The following DDHD2 variants were observed in gnomAD, a reference collection of about 807,000 sequenced individuals.
The protein encoded by DDHD2 is triacylglycerol hydrolase DDHD2.
In DDHD2, 62 loss-of-function variants were observed where a neutral mutation model predicts 91.2. The observed-to-expected ratio is 0.68, with a 90% CI of 0.55 to 0.84. The LOEUF is 0.84. Among genes scored for constraint, DDHD2 ranks in the 40% least tolerant of loss-of-function variants. The pLI is 0.00. For missense variants in DDHD2, 740 were observed against 846.9 expected (o/e 0.87, Z 1.57); for synonymous variants, 271 against 293.9 (o/e 0.92, Z 0.80).
At chr8:38,235,620 C>T (rs1205495404) in intron 3 of DDHD2, among the ~76,000 whole-genome samples, 1 of 150,890 alleles carries the variant, frequency 6.6e-6, no homozygotes, top group South Asian at 2.1e-4. Context: ...ACTTGGGAGG[C>T]TGAGGCAAGA....
Position 38,238,383 on chromosome 8 carries a change from G to A in DDHD2, c.622+174G>A, listed in dbSNP as rs901999978. On this transcript the variant is annotated intron_variant, in intron 5 of 17. Transcript: ENST00000397166. ...TCGTCTACTAAGAATCTTAATAGAT[G>A]TAAAAATATCTTTTAAAACATATGG... 9.4e-6 allele frequency: 13 copies of A among 1,388,102 alleles called. No homozygotes were observed. In the East Asian group the frequency reaches 1.1e-4, roughly 12 times the overall value. 86.0% of individuals were successfully genotyped at this position (1,388,102 alleles called of 1,614,324 possible). A position where few individuals can be genotyped will look rare whatever the true frequency, so the allele number is the denominator to read the frequency against.
Position 38,253,079 on chromosome 8 carries a change from C to A in DDHD2, c.1843C>A (p.Pro615Thr). The A allele has an allele frequency of 6.2e-7, 1 of 1,614,112 alleles. No homozygotes were observed. ...PYPALQASET[P>T]EETEAEPEST... is the part of the protein sequence containing the mutation. ...CCCTGCCTTACAAGCTTCAGAAACA[C>A]CAGAAGAAACTGAAGCAGAACCTGA... The change falls in exon 15 of 18, where the codon CCA becomes ACA. Residue 615 changes from proline (P) to threonine (T), a missense_variant. Pro to Thr is a conservative substitution (Grantham distance 38). This residue lies in a region of DDHD2 where 693 missense variants were observed against 764.2 expected (regional missense o/e 0.91). Transcript: ENST00000397166.
At chr8:38,248,146 T>A (rs1199940996) in intron 10 of DDHD2, among the ~76,000 whole-genome samples, 1 of 152,158 alleles carries the variant, frequency 6.6e-6, no homozygotes, top group Non-Finnish European at 1.5e-5. Flanking sequence ...TCTGTTGTAC[T>A]TTCAAGAGCT....
intron 1 of DDHD2, chr8:38,268,247 G>A: frequency 2.8e-6 from 3 of 1,087,966 alleles, no homozygotes; most frequent in Non-Finnish European, 2.6e-6. Flanking sequence ...TCTCCCGCGG[G>A]GATAGAGTTC....
At chr8:38,234,175 T>C (rs567950846) in intron 2 of DDHD2, among the ~76,000 whole-genome samples, 1 of 152,226 alleles carries the variant, frequency 6.6e-6, no homozygotes, top group African/African-American at 2.4e-5. Flanking sequence ...CTGGGTAGTA[T>C]TTTTTTCATA....
intron 8 of DDHD2, 85 bp downstream of exon 8, chr8:38,246,035 AT>A: frequency 7.1e-7 from 1 of 1,404,756 alleles, no homozygotes; most frequent in Non-Finnish European, 1.0e-6. Context: ...TTTTATCAGT[AT>A]GAAATTCAGA....
chr8:38,257,801 A>G (rs1285850140), intron 16 of DDHD2, among the ~76,000 whole-genome samples: 2 of 151,066 alleles, frequency 1.3e-5, no homozygotes, highest in Non-Finnish European at 2.9e-5. Flanking sequence ...AGTAGCCAGC[A>G]TTACAGGTGT....
At chr8:38,273,317 A>T (rs998312135), downstream of DDHD2, 2 of 152,116 alleles carry the variant, frequency 1.3e-5, no homozygotes, top group African/African-American at 4.8e-5. Context: ...TTCTACTCTG[A>T]TTTCTGAAAT....
chr8:38,258,559 A>C (rs1178333794), intron 16 of DDHD2, among the ~76,000 whole-genome samples: 1 of 152,168 alleles, frequency 6.6e-6, no homozygotes, highest in Non-Finnish European at 1.5e-5. Context: ...CCACTTAATT[A>C]AATTCCTATA....
At position 38,233,037 on chromosome 8, in the gene DDHD2, G is replaced by C; in HGVS notation, c.43G>C (p.Asp15His). The stretch of plus-strand genomic sequence containing the variant: ...ACAACAGGAGCAGTTGTCCCAGTCA[G>C]ATCCATCTCCGTCACCAAACTCATG... ...QSQQEQLSQS[D>H]PSPSPNSCSS... Residue 15 changes from aspartate (D) to histidine (H), a missense_variant, in exon 2 of 18, where the codon GAT becomes CAT. By Grantham distance (81) the Asp-to-His change is moderately conservative. Around this residue, in one of 2 missense-constraint regions of DDHD2, gnomAD observed 693 missense variants for 764.2 expected, o/e 0.91. Coordinates refer to ENST00000397166, the MANE Select transcript of DDHD2 (RefSeq NM_015214.3). 1 of 1,614,186 alleles carries C rather than the reference G, an allele frequency of 6.2e-7. No individual in the cohort carries two copies. Among genetic ancestry groups the C allele is most frequent in the Non-Finnish European group, 8.5e-7 (1 of 1,180,040 alleles).
At chr8:38,236,469 C>G (rs570778456) in intron 3 of DDHD2, among the ~76,000 whole-genome samples, 1 of 151,960 alleles carries the variant, frequency 6.6e-6, no homozygotes, top group Non-Finnish European at 1.5e-5. Flanking sequence ...CTTTTCCTGC[C>G]TCACCCTCCT....
rs778402203 is a variant in DDHD2 at position 38,261,240 on chromosome 8, GCT to G, written c.*668_*669del. On this transcript the variant is annotated 3_prime_UTR_variant, in exon 18 of 18. Transcript: ENST00000397166. ...GTTCATTGTTTTTGCAACTGTTTGA[GCT>G]GCTGTAAGAGTCTAAAGTTGACAAG... 1 of 152,196 alleles carries G rather than the reference GCT, an allele frequency of 6.6e-6. No individual in the cohort carries two copies. Among genetic ancestry groups the G allele is most frequent in the Non-Finnish European group, 1.5e-5 (1 of 68,042 alleles). The allele number at this position is 152,196 out of a possible 1,614,324, so 9.4% of individuals were successfully genotyped here.
At chr8:38,248,983 C>G (rs1805887339) in intron 10 of DDHD2, among the ~76,000 whole-genome samples, 1 of 150,028 alleles carries the variant, frequency 6.7e-6, no homozygotes, top group Non-Finnish European at 1.5e-5. Context: ...CACTTGAGAT[C>G]TTGATTGTTA....
In DDHD2 at chr8:38,252,162, A is replaced by ACCCC; in HGVS notation, c.1492_1493insCCCC (p.Lys498ThrfsTer26). 1 of 1,614,118 alleles carries ACCCC rather than the reference A, an allele frequency of 6.2e-7. No homozygotes were observed. Among genetic ancestry groups the ACCCC allele is most frequent in the Non-Finnish European group, 8.5e-7 (1 of 1,180,020 alleles). Reference sequence around the variant, plus strand: ...TGTGAAATACCCCCGGCTCATCTATAAACCAGAGATATTCTTTGCCTTTGG... The same window carrying ACCCC: ...TGTGAAATACCCCCGGCTCATCTATACCCCAACCAGAGATATTCTTTGCCTTTGG... On this transcript the variant is annotated frameshift_variant, in exon 13 of 18. Transcript: ENST00000397166. LOFTEE classifies it high-confidence loss of function.
intron 7 of DDHD2, among the ~76,000 whole-genome samples, chr8:38,244,421 C>T (rs1184168133): frequency 6.6e-6 from 1 of 151,308 alleles, no homozygotes; most frequent in African/African-American, 2.4e-5. Flanking sequence ...CGCCACAATG[C>T]CCAGCTAATT....
chr8:38,240,383 TGA>T lies in DDHD2; in HGVS notation c.712+24_712+25del. On this transcript the variant is annotated intron_variant, in intron 6 of 17. Coordinates refer to ENST00000397166, the MANE Select transcript of DDHD2 (RefSeq NM_015214.3). ...CAGTGTGGTAGGTTTGCAAAGCATG[TGA>T]GAGAATATTAATCAGTGCTCTTGTG... 1 of 1,543,640 alleles carries T rather than the reference TGA, an allele frequency of 6.5e-7. No individual in the cohort carries two copies. The highest frequency in any genetic ancestry group is 1.2e-5 in the South Asian group (1 of 86,834).
chr8:38,233,245 A>G (rs1343466908), intron 2 of DDHD2, 31 bp downstream of exon 2: 1 of 1,537,862 alleles, frequency 6.5e-7, no homozygotes, highest in Admixed American at 1.7e-5. Flanking sequence ...GGAATAGACA[A>G]AGACTCTCCC....
In DDHD2 at chr8:38,261,419, A is replaced by T. The variant is rs1807016265; in HGVS notation, c.*846A>T. The T allele has an allele frequency of 6.6e-6, 1 of 152,218 alleles. No homozygotes were observed. The highest frequency in any genetic ancestry group is 1.5e-5 in the Non-Finnish European group (1 of 68,032). 9.4% of individuals were successfully genotyped at this position (152,218 alleles called of 1,614,324 possible). ...ATGAACCTGAAATTGTGTAGCCTCT[A>T]CAGGCTGCTGAGGTTCTAAATAAAA... On this transcript the variant is annotated 3_prime_UTR_variant, in exon 18 of 18. Transcript: ENST00000397166.
At chr8:38,233,252 T>A in intron 2 of DDHD2, 38 bp downstream of exon 2, 1 of 1,510,566 alleles carries the variant, frequency 6.6e-7, no homozygotes, top group Non-Finnish European at 9.1e-7. Context: ...ACAAAGACTC[T>A]CCCCTCTTCA....
Sources: gnomAD v4.1 joint callset for allele counts (sites outside exome capture counted in the v4.1 genomes callset) on GRCh38, gnomAD v4.1.1 for gene constraint, gnomAD v4.1.1 regional missense constraint, MANE v1.5 for transcripts, NCBI Gene and HGNC (gene_info 2026-07-23, HGNC 2026-07-21) for gene names.